Variants in LINGO2 observed in about 807,000 individuals in gnomAD.
LINGO2 encodes leucine rich repeat and Ig domain containing 2.
Under a neutral mutation model 30.6 loss-of-function variants are expected in LINGO2, and 14 were observed. The observed-to-expected ratio is 0.46, with a 90% CI of 0.30 to 0.72. The LOEUF (loss-of-function observed/expected upper bound fraction) is 0.72, where lower values mean the gene tolerates loss of function less well. Among genes scored for constraint, LINGO2 ranks in the 30% least tolerant of loss-of-function variants. The probability of loss-of-function intolerance (pLI) is 0.07; values close to 1 mark genes in which losing one functional copy is unlikely to be tolerated. For synonymous variants in LINGO2, 317 were observed against 288.5 expected (o/e 1.10, Z -1.00); for missense variants, 729 against 751.7 (o/e 0.97, Z 0.35).
chr9:28,305,755 T>A (rs1436472367), intron 3 of LINGO2, among the ~76,000 whole-genome samples: 1 of 152,034 alleles, frequency 6.6e-6, no homozygotes, highest in Non-Finnish European at 1.5e-5. Flanking sequence ...GGGATTGTGA[T>A]TAGTCAGTTT....
the LINGO2 span, among the ~76,000 whole-genome samples, chr9:28,957,286 A>G: frequency 6.6e-6 from 1 of 152,194 alleles, no homozygotes; most frequent in Non-Finnish European, 1.5e-5. Context: ...AGATCAGGAA[A>G]TTAATGTAGG....
intron 1 of LINGO2, among the ~76,000 whole-genome samples, chr9:28,553,977 C>G (rs578067349): frequency 3.3e-5 from 5 of 152,120 alleles, no homozygotes; most frequent in Admixed American, 6.6e-5. Context: ...CAGGCCTGCC[C>G]TAAAAGAGCT....
the LINGO2 span, among the ~76,000 whole-genome samples, chr9:29,046,075 C>A: frequency 6.6e-6 from 1 of 152,262 alleles, no homozygotes; most frequent in Non-Finnish European, 1.5e-5. Flanking sequence ...ATCATGTCAT[C>A]TGCAAACAGA....
intron 2 of LINGO2, among the ~76,000 whole-genome samples, chr9:28,450,788 T>C (rs1369467110): frequency 6.6e-6 from 1 of 152,040 alleles, no homozygotes; most frequent in Non-Finnish European, 1.5e-5. Context: ...TTTAAATGTA[T>C]ATATTAACTT....
At chr9:28,546,688 C>T (rs1375951987) in intron 1 of LINGO2, among the ~76,000 whole-genome samples, 3 of 151,946 alleles carry the variant, frequency 2.0e-5, no homozygotes, top group Non-Finnish European at 2.9e-5. Flanking sequence ...GTTTCTGTGG[C>T]CTGCCTTGAG....
the LINGO2 span, among the ~76,000 whole-genome samples, chr9:28,932,175 G>A: frequency 1.9e-5 from 2 of 107,254 alleles, no homozygotes; most frequent in African/African-American, 3.6e-5. Context: ...CGGGGGCCGG[G>A]GGGGATCTTG....
chr9:28,339,417 A>G (rs549052519), intron 3 of LINGO2, among the ~76,000 whole-genome samples: 1 of 152,296 alleles, frequency 6.6e-6, no homozygotes, highest in South Asian at 2.1e-4. Context: ...AGGACTTACC[A>G]TATAGATTGT....
At chr9:27,976,028 G>A (rs1286860873) in intron 5 of LINGO2, among the ~76,000 whole-genome samples, 1 of 152,092 alleles carries the variant, frequency 6.6e-6, no homozygotes, top group African/African-American at 2.4e-5. Context: ...TTGGAATCAG[G>A]CTGGTCCTAG....
At chr9:28,481,480 C>G (rs954777498) in intron 1 of LINGO2, among the ~76,000 whole-genome samples, 3 of 152,042 alleles carry the variant, frequency 2.0e-5, no homozygotes, top group African/African-American at 7.2e-5. Flanking sequence ...TATTTATATT[C>G]AGAGGAACAT....
At chr9:28,091,083 G>T (rs914961790) in intron 4 of LINGO2, among the ~76,000 whole-genome samples, 1 of 152,088 alleles carries the variant, frequency 6.6e-6, no homozygotes, top group African/African-American at 2.4e-5. Flanking sequence ...ACAAATGGAA[G>T]AACATTCCAT....
At chr9:28,344,743 T>G (rs913079349) in intron 3 of LINGO2, among the ~76,000 whole-genome samples, 2 of 152,084 alleles carry the variant, frequency 1.3e-5, no homozygotes, top group Non-Finnish European at 2.9e-5. Context: ...TGAACACAGA[T>G]GGTTTCAGCT....
At chr9:28,241,224 G>A (rs112545356) in intron 4 of LINGO2, among the ~76,000 whole-genome samples, 10 of 138,908 alleles carry the variant, frequency 7.2e-5, no homozygotes, top group South Asian at 2.3e-4. Flanking sequence ...AGCTGAGATC[G>A]TGCCACTGCA....
chr9:28,613,500 CAT>C (rs1826005451), intron 1 of LINGO2, among the ~76,000 whole-genome samples: 1 of 151,538 alleles, frequency 6.6e-6, no homozygotes, highest in Non-Finnish European at 1.5e-5. Context: ...CACACACACA[CAT>C]ATATTTACCT....
the LINGO2 span, among the ~76,000 whole-genome samples, chr9:28,868,962 G>A: frequency 5.3e-5 from 8 of 151,912 alleles, no homozygotes; most frequent in South Asian, 2.1e-4. Context: ...TTTATATCTC[G>A]CTGATTTGAT....
intron 1 of LINGO2, among the ~76,000 whole-genome samples, chr9:28,593,790 C>A (rs1462613902): frequency 1.3e-5 from 2 of 152,054 alleles, no homozygotes; most frequent in African/African-American, 4.8e-5. Context: ...CCAGGTGCTG[C>A]AACTTGAATT....
intron 3 of LINGO2, among the ~76,000 whole-genome samples, chr9:28,353,824 T>TA (rs1251547230): frequency 9.2e-5 from 14 of 151,996 alleles, no homozygotes; most frequent in African/African-American, 2.7e-4. Flanking sequence ...TATGCAGCCA[T>TA]AAAAAATGAT....
chr9:28,046,254 GAGTTTAAC>G (rs1340192041), intron 4 of LINGO2, among the ~76,000 whole-genome samples: 2 of 152,086 alleles, frequency 1.3e-5, no homozygotes, highest in African/African-American at 4.8e-5. Flanking sequence ...ACAAGAAGAA[GAGTTTAAC>G]AGTTTAACTC....
the LINGO2 span, among the ~76,000 whole-genome samples, chr9:28,936,017 C>A: frequency 6.6e-6 from 1 of 151,846 alleles, no homozygotes; most frequent in African/African-American, 2.4e-5. Context: ...GCAAAGTGGG[C>A]AAAAGCAAGG....
At chr9:28,773,550 G>C in the LINGO2 span, among the ~76,000 whole-genome samples, 1 of 152,000 alleles carries the variant, frequency 6.6e-6, no homozygotes, top group Non-Finnish European at 1.5e-5. Flanking sequence ...TTAAATGGTG[G>C]GCTGCATACT....
Sources: gnomAD v4.1 joint callset for allele counts (sites outside exome capture counted in the v4.1 genomes callset) on GRCh38, gnomAD v4.1.1 for gene constraint, MANE v1.5 for transcripts, NCBI Gene and HGNC (gene_info 2026-07-23, HGNC 2026-07-21) for gene names.